The following BANK1 variants were observed in gnomAD, a reference collection of about 807,000 sequenced individuals.
BANK1 encodes B-cell scaffold protein with ankyrin repeats.
Under a neutral mutation model 94.5 loss-of-function variants are expected in BANK1, and 95 were observed. The observed-to-expected ratio is 1.00, with a 90% CI of 0.85 to 1.19. The LOEUF is 1.19. Ranked by LOEUF, BANK1 falls within the 50% of genes most tolerant of loss-of-function variation. BANK1 has a pLI of 0.00. For synonymous variants in BANK1, 334 were observed against 308.4 expected (o/e 1.08, Z -0.87); for missense variants, 987 against 932.2 (o/e 1.06, Z -0.77).
At chr4:101,843,317 G>A (rs978825524) in intron 2 of BANK1, among the ~76,000 whole-genome samples, 5 of 151,958 alleles carry the variant, frequency 3.3e-5, no homozygotes, top group East Asian at 1.9e-4. Context: ...ATTCAATGAC[G>A]TAAAATGGTG....
chr4:102,024,909 T>C (rs1005062816), intron 8 of BANK1, among the ~76,000 whole-genome samples: 2 of 152,194 alleles, frequency 1.3e-5, no homozygotes, highest in African/African-American at 4.8e-5. Flanking sequence ...ATCAAATATA[T>C]GAATTTGTTC....
At chr4:101,857,375 A>C (rs746540676) in intron 3 of BANK1, among the ~76,000 whole-genome samples, 1 of 152,162 alleles carries the variant, frequency 6.6e-6, no homozygotes, top group Non-Finnish European at 1.5e-5. Flanking sequence ...ATAGTTGCGT[A>C]ATTTTCATTC....
At position 102,046,396 on chromosome 4, in the gene BANK1, A is replaced by T. The variant is rs550981624; in HGVS notation, c.1969+2489A>T. ...ATTATTTTAATTAACAAAGGCATGA[A>T]ATAACCTTATCAGAATGTTTGTGAT... On this transcript the variant is annotated intron_variant, in intron 11 of 16. Transcript: ENST00000322953. Among the ~76,000 whole-genome samples the T allele has an allele frequency of 3.3e-5, 5 of 152,256 alleles. No individual in the cohort carries two copies. In the South Asian group the frequency reaches 1.0e-3, roughly 32 times the overall value.
At position 101,921,028 on chromosome 4, in the gene BANK1, T is replaced by C. The variant is rs556394022; in HGVS notation, c.1206+2839T>C. On this transcript the variant is annotated intron_variant, in intron 7 of 16. Coordinates refer to ENST00000322953, the MANE Select transcript of BANK1 (RefSeq NM_017935.5). ...GGGGCCTGAAATCACATTTCTTACA[T>C]TGCTTCATGACATTTTTTATTTGAG... Among the ~76,000 whole-genome samples, 18 of 151,870 alleles carry C rather than the reference T, an allele frequency of 1.2e-4. No homozygotes were observed. In the South Asian group the frequency reaches 3.7e-3, roughly 32 times the overall value.
chr4:101,820,990 G>T (rs1427063337), intron 1 of BANK1, among the ~76,000 whole-genome samples: 1 of 152,074 alleles, frequency 6.6e-6, no homozygotes, highest in Non-Finnish European at 1.5e-5. Context: ...TGGGTCGAAT[G>T]CCATTACTGT....
chr4:101,833,685 A>G (rs1403667827), intron 2 of BANK1, among the ~76,000 whole-genome samples: 3 of 152,108 alleles, frequency 2.0e-5, no homozygotes, highest in African/African-American at 7.2e-5. Flanking sequence ...CTGTTTTAGG[A>G]AACAGTTCAT....
intron 7 of BANK1, among the ~76,000 whole-genome samples, chr4:101,934,170 A>G (rs1011349250): frequency 2.0e-5 from 3 of 151,526 alleles, no homozygotes; most frequent in Non-Finnish European, 4.4e-5. Context: ...ATAACTGATG[A>G]AATTTCCAGA....
intron 1 of BANK1, among the ~76,000 whole-genome samples, chr4:101,829,297 G>C (rs1466802077): frequency 6.6e-6 from 1 of 152,022 alleles, no homozygotes; most frequent in Non-Finnish European, 1.5e-5. Context: ...GTTTTAATGT[G>C]TATATTATTC....
intron 2 of BANK1, among the ~76,000 whole-genome samples, chr4:101,844,467 C>G (rs531859581): frequency 6.6e-6 from 1 of 152,278 alleles, no homozygotes; most frequent in Admixed American, 6.5e-5. Flanking sequence ...ACAAGCAAGT[C>G]TGCTGACAAG....
At chr4:102,064,889 C>T (rs148964965) in intron 13 of BANK1, among the ~76,000 whole-genome samples, 1 of 152,142 alleles carries the variant, frequency 6.6e-6, no homozygotes, top group African/African-American at 2.4e-5. Flanking sequence ...GATCTTAGTT[C>T]AGGGCAGCTG....
intron 6 of BANK1, among the ~76,000 whole-genome samples, chr4:101,914,388 A>G (rs1722761315): frequency 6.6e-6 from 1 of 152,140 alleles, no homozygotes; most frequent in Non-Finnish European, 1.5e-5. Flanking sequence ...CCCTGAGTGT[A>G]TGGAGGAGCA....
At chr4:102,056,431 A>G (rs1728229747) in intron 11 of BANK1, among the ~76,000 whole-genome samples, 1 of 152,130 alleles carries the variant, frequency 6.6e-6, no homozygotes. Context: ...ACTTTGGAAT[A>G]TAATGCTCCC....
chr4:101,847,810 T>C (rs1355606728), intron 2 of BANK1, among the ~76,000 whole-genome samples: 3 of 151,760 alleles, frequency 2.0e-5, no homozygotes, highest in Admixed American at 6.6e-5. Context: ...CACTCGTTGA[T>C]TGATGGGCAT....
At chr4:101,963,041 T>C (rs1452002755) in intron 7 of BANK1, among the ~76,000 whole-genome samples, 1 of 152,134 alleles carries the variant, frequency 6.6e-6, no homozygotes, top group Non-Finnish European at 1.5e-5. Context: ...TAAAATATCA[T>C]TTTGTGTCCC....
chr4:101,940,946 G>T (rs1303307811), intron 7 of BANK1, among the ~76,000 whole-genome samples: 1 of 151,672 alleles, frequency 6.6e-6, no homozygotes, highest in Non-Finnish European at 1.5e-5. Flanking sequence ...GGGAGTGGGG[G>T]TTTATGCTCC....
At chr4:101,973,079 C>G (rs1415225410) in intron 7 of BANK1, among the ~76,000 whole-genome samples, 2 of 151,664 alleles carry the variant, frequency 1.3e-5, no homozygotes, top group Non-Finnish European at 2.9e-5. Flanking sequence ...CTCTATTACC[C>G]AACGTGGTAA....
chr4:101,953,445 C>T (rs1724238098), intron 7 of BANK1, among the ~76,000 whole-genome samples: 1 of 151,864 alleles, frequency 6.6e-6, no homozygotes, highest in Non-Finnish European at 1.5e-5. Flanking sequence ...AACAGACTGT[C>T]TTGAAGAAAT....
intron 7 of BANK1, among the ~76,000 whole-genome samples, chr4:101,947,285 A>AT: frequency 8.7e-5 from 1 of 11,526 alleles, no homozygotes; most frequent in African/African-American, 6.1e-4. Flanking sequence ...GAAGTTGTAA[A>AT]TATATATATA....
chr4:101,803,285 TTGG>T (rs1174999521), intron 1 of BANK1, among the ~76,000 whole-genome samples: 1 of 152,182 alleles, frequency 6.6e-6, no homozygotes, highest in African/African-American at 2.4e-5. Flanking sequence ...TGATCCAGTC[TTGG>T]TGGCCATATT....
Sources: allele counts gnomAD v4.1 joint callset (sites outside exome capture counted in the v4.1 genomes callset), GRCh38; gene constraint gnomAD v4.1.1; transcripts MANE v1.5; gene names NCBI Gene and HGNC (gene_info 2026-07-23, HGNC 2026-07-21).